GLB1L3: variants seen among roughly 807,000 people sequenced by gnomAD.
GLB1L3 encodes the protein beta-galactosidase-1-like protein 3.
In GLB1L3, 89 loss-of-function variants were observed where a neutral mutation model predicts 89.5. The observed-to-expected ratio is 0.99, with a 90% CI of 0.84 to 1.19. The LOEUF (loss-of-function observed/expected upper bound fraction) is 1.19, where lower values mean the gene tolerates loss of function less well. Among genes scored for constraint, GLB1L3 ranks in the 50% most tolerant of loss-of-function variants. The probability of loss-of-function intolerance (pLI) is 0.00; values close to 1 mark genes in which losing one functional copy is unlikely to be tolerated. For synonymous variants in GLB1L3, 314 were observed against 312.3 expected (o/e 1.01, Z -0.06); for missense variants, 812 against 813.3 (o/e 1.00, Z 0.02).
rs1565411213 is a variant in GLB1L3, at chr11:134,307,168, CG to C, written c.922del (p.Asp308ThrfsTer43). On this transcript the variant is annotated frameshift_variant, in exon 10 of 20. Transcript: ENST00000431683. LOFTEE classifies it high-confidence loss of function. ...LIMEYWVGWF[D>X]RWGDKHHVKD... ...TTATGGAATACTGGGTCGGCTGGTTCGACAGATGGGGAGATAAGCACCATGT... is the reference window on the plus strand; with the variant it reads ...TTATGGAATACTGGGTCGGCTGGTTCACAGATGGGGAGATAAGCACCATGT... 6.2e-7 allele frequency: 1 copy of C among 1,613,464 alleles called. No homozygotes were observed. Among genetic ancestry groups the C allele is most frequent in the Non-Finnish European group, 8.5e-7 (1 of 1,179,670 alleles).
chr11:134,293,210 G>T lies in GLB1L3; in HGVS notation c.876+1G>T. On this transcript the variant is annotated splice_donor_variant, in intron 9 of 19. Transcript: ENST00000431683. LOFTEE classifies it high-confidence loss of function. Reference sequence around the variant, plus strand: ...TTTCAATCAGCTTCATAAAGTCCAGGTAAGACATTTCAGACAGGCAGGGTT... The same window carrying T: ...TTTCAATCAGCTTCATAAAGTCCAGTTAAGACATTTCAGACAGGCAGGGTT... The T allele has an allele frequency of 1.2e-6, 2 of 1,613,048 alleles. No individual in the cohort carries two copies. Among genetic ancestry groups the T allele is most frequent in the Non-Finnish European group, 8.5e-7 (1 of 1,179,160 alleles).
downstream of GLB1L3, among the ~76,000 whole-genome samples, chr11:134,319,727 TGTGTGTGTGTGTGTGTGTGTGC>T (rs1437683866): frequency 7.6e-6 from 1 of 132,360 alleles, no homozygotes; most frequent in Non-Finnish European, 1.7e-5. Context: ...TCTGTGTATG[TGTGTGTGTGTGTGTGTGTGTGC>T]GCGCGCGCGT....
chr11:134,318,747 G>A lies in GLB1L3; in HGVS notation c.1896G>A (p.Glu632=). The A allele has an allele frequency of 6.3e-7, 1 of 1,589,306 alleles. No individual in the cohort carries two copies. The highest frequency in any genetic ancestry group is 8.6e-7 in the Non-Finnish European group (1 of 1,158,136). Residue 632 remains glutamate, a splice_region_variant and synonymous_variant, in exon 19 of 20, where the codon GAG becomes GAA. Transcript: ENST00000431683. ...TTTGGCTTCATCCAGAAGACAATGA[G>A]GTATGTCACTCCAGTCTCTGCCTTG... ...PGVWLHPEDN[E]VILFEKMMSG...
downstream of GLB1L3, among the ~76,000 whole-genome samples, chr11:134,321,085 G>C (rs764995930): frequency 4.6e-5 from 7 of 152,202 alleles, no homozygotes; most frequent in African/African-American, 9.7e-5. Context: ...ACATATGTGA[G>C]AGTGAATATG....
chr11:134,293,919 C>G (rs1941494008), intron 9 of GLB1L3, among the ~76,000 whole-genome samples: 1 of 152,168 alleles, frequency 6.6e-6, no homozygotes, highest in Non-Finnish European at 1.5e-5. Context: ...CCGCTCCCAG[C>G]CCCGCTACCC....
At chr11:134,308,532 C>T (rs1371891975) in intron 10 of GLB1L3, among the ~76,000 whole-genome samples, 12 of 73,800 alleles carry the variant, frequency 1.6e-4, no homozygotes, top group Non-Finnish European at 2.7e-4. Context: ...TCCACCACCA[C>T]TACCACCACC....
the GLB1L3 span, among the ~76,000 whole-genome samples, chr11:134,324,989 T>C: frequency 6.6e-6 from 1 of 152,184 alleles, no homozygotes; most frequent in African/African-American, 2.4e-5. Flanking sequence ...TATACATTGT[T>C]GGCTTAAAGA....
At chr11:134,313,317 G>C in intron 15 of GLB1L3, 79 bp from the exon 16 acceptor site, 2 of 1,037,340 alleles carry the variant, frequency 1.9e-6, no homozygotes, top group Non-Finnish European at 2.9e-6. Context: ...TCTCCATGTG[G>C]GACTCAGTGA....
rs1176684991 is a variant in GLB1L3, at chr11:134,311,170, G to A, written c.1287G>A (p.Glu429=). ...PLWDALSYLN[E]PVRSRQPVNM... is the part of the protein sequence containing the mutation. ...GGGACGCCCTATCCTACTTAAATGA[G>A]GTGCGTGCTGCCTGGCCACAGGAGG... Residue 429 remains glutamate, a splice_region_variant and synonymous_variant, in exon 13 of 20, where the codon GAG becomes GAA. Coordinates refer to ENST00000431683, the MANE Select transcript of GLB1L3 (RefSeq NM_001080407.3). The A allele has an allele frequency of 6.2e-7, 1 of 1,610,482 alleles. No individual in the cohort carries two copies. The highest frequency in any genetic ancestry group is 1.3e-5 in the African/African-American group (1 of 74,850).
At chr11:134,318,366 A>G (rs1044978490) in intron 18 of GLB1L3, among the ~76,000 whole-genome samples, 1 of 152,230 alleles carries the variant, frequency 6.6e-6, no homozygotes, top group Non-Finnish European at 1.5e-5. Flanking sequence ...CTGGAAGTAG[A>G]AGATCTGCTT....
At chr11:134,305,751 A>C (rs1942177197) in intron 9 of GLB1L3, among the ~76,000 whole-genome samples, 2 of 152,240 alleles carry the variant, frequency 1.3e-5, no homozygotes, top group South Asian at 4.1e-4. Flanking sequence ...ATTAATATGC[A>C]TAGAGATATG....
chr11:134,288,751 T>C, intron 6 of GLB1L3, 47 bp from the exon 7 acceptor site: 1 of 1,426,392 alleles, frequency 7.0e-7, no homozygotes, highest in Non-Finnish European at 9.7e-7. Context: ...TCCAGGCTTT[T>C]GCCCCAAATA....
chr11:134,278,176 G>A (rs532956107), intron 3 of GLB1L3, among the ~76,000 whole-genome samples: 3 of 152,260 alleles, frequency 2.0e-5, no homozygotes, highest in African/African-American at 7.2e-5. Context: ...GTCTAATGAA[G>A]GAACACCAGG....
At chr11:134,298,636 A>G (rs183020653) in intron 9 of GLB1L3, among the ~76,000 whole-genome samples, 39 of 152,284 alleles carry the variant, frequency 2.6e-4, no homozygotes, top group African/African-American at 9.4e-4. Context: ...TGATGGGTTT[A>G]TCAGGGGTTT....
rs548346837 is a variant in GLB1L3, at chr11:134,312,296, G to A, written c.1288-53G>A. ...CCAAATGACAGGGTCTTAGGAAGGA[G>A]GATCCTGACTGCTCAGCCCTTGGAC... On this transcript the variant is annotated intron_variant, in intron 13 of 19. Coordinates refer to ENST00000431683, the MANE Select transcript of GLB1L3 (RefSeq NM_001080407.3). 33 of 1,594,588 alleles carry A rather than the reference G, an allele frequency of 2.1e-5. No homozygotes were observed. The South Asian group carries it at 3.2e-4, about 15-fold the overall frequency.
chr11:134,302,702 G>A (rs1942008795), intron 9 of GLB1L3, among the ~76,000 whole-genome samples: 1 of 151,982 alleles, frequency 6.6e-6, no homozygotes, highest in Admixed American at 6.6e-5. Flanking sequence ...ATTTTTAGGT[G>A]TGATTCTTTA....
chr11:134,306,742 G>A lies in GLB1L3; in HGVS notation c.877-382G>A, dbSNP rs149994820. Among the ~76,000 whole-genome samples the A allele has an allele frequency of 4.6e-5, 7 of 152,380 alleles. No individual in the cohort carries two copies. In the East Asian group the frequency reaches 1.3e-3, roughly 29 times the overall value. ...CACTGAAAATGCTAGGCTACAAGTG[G>A]AATGCAGGTGTCAGGCTGAAAGCCT... On this transcript the variant is annotated intron_variant, in intron 9 of 19. Coordinates refer to ENST00000431683, the MANE Select transcript of GLB1L3 (RefSeq NM_001080407.3).
chr11:134,308,748 A>G lies in GLB1L3; in HGVS notation c.962-878A>G, dbSNP rs533400378. Among the ~76,000 whole-genome samples the G allele has an allele frequency of 1.4e-4, 22 of 152,156 alleles. No individual in the cohort carries two copies. The South Asian group carries it at 1.7e-3, about 11-fold the overall frequency. On this transcript the variant is annotated intron_variant, in intron 10 of 19. Transcript: ENST00000431683. ...GGCAGGCACTGTGCCTTTTTTCCACATATATTACCTCATCAATGAATTTTC... is the reference window on the plus strand; with the variant it reads ...GGCAGGCACTGTGCCTTTTTTCCACGTATATTACCTCATCAATGAATTTTC...
rs940029376 is a variant in GLB1L3, at chr11:134,281,970, A to G, written c.432-55A>G. On this transcript the variant is annotated intron_variant, in intron 4 of 19. Coordinates refer to ENST00000431683, the MANE Select transcript of GLB1L3 (RefSeq NM_001080407.3). The stretch of plus-strand genomic sequence containing the variant: ...CCACCCTGTGATGCGTGTGGCCCCC[A>G]CCCGGCCTCATCCTGGGCCGTCGTG... 3 of 1,374,542 alleles carry G rather than the reference A, an allele frequency of 2.2e-6. No homozygotes were observed. In the Admixed American group the frequency reaches 6.5e-5, roughly 30 times the overall value. 85.1% of individuals were successfully genotyped at this position (1,374,542 alleles called of 1,614,324 possible).
Sources: allele counts gnomAD v4.1 joint callset (sites outside exome capture counted in the v4.1 genomes callset), GRCh38; gene constraint gnomAD v4.1.1; transcripts MANE v1.5; gene names NCBI Gene and HGNC (gene_info 2026-07-23, HGNC 2026-07-21).